Variants in PLPP1 observed in about 807,000 individuals in gnomAD.
PLPP1 encodes phospholipid phosphatase 1, also known as lipid phosphate phosphohydrolase 1a.
A neutral mutation model predicts 31.2 loss-of-function variants in PLPP1; 24 were observed. That is an observed-to-expected ratio of 0.77 (90% CI 0.56 to 1.08). PLPP1 has a LOEUF of 1.08. PLPP1 is among the 50% of genes least tolerant of loss of function. PLPP1 has a pLI of 0.00. For synonymous variants in PLPP1, 146 were observed against 126.3 expected, an observed-to-expected ratio of 1.16 and a Z score of -1.05; for missense variants, 319 against 342.7, an observed-to-expected ratio of 0.93 and a Z score of 0.55.
intron 1 of PLPP1, among the ~76,000 whole-genome samples, chr5:55,503,247 C>T (rs1224045370): frequency 1.3e-5 from 2 of 152,092 alleles, no homozygotes; most frequent in African/African-American, 4.8e-5. Context: ...TAATTCATAC[C>T]AGGTATTACA....
At chr5:55,494,024 G>A (rs750148309) in intron 1 of PLPP1, among the ~76,000 whole-genome samples, 4 of 152,142 alleles carry the variant, frequency 2.6e-5, no homozygotes, top group African/African-American at 4.8e-5. Context: ...CAACATGGGT[G>A]CAGAGCAAGA....
At chr5:55,489,494 C>T (rs1390778414) in intron 1 of PLPP1, among the ~76,000 whole-genome samples, 3 of 152,094 alleles carry the variant, frequency 2.0e-5, no homozygotes, top group African/African-American at 7.2e-5. Context: ...AAACTAAATG[C>T]TAGATTTTTC....
chr5:55,500,450 G>GT (rs1421159308), intron 1 of PLPP1, among the ~76,000 whole-genome samples: 2 of 152,064 alleles, frequency 1.3e-5, no homozygotes, highest in African/African-American at 4.8e-5. Flanking sequence ...CTTCTAAGTA[G>GT]TTATCTTCAG....
At chr5:55,521,213 C>T (rs1043442185) in intron 1 of PLPP1, among the ~76,000 whole-genome samples, 1 of 151,922 alleles carries the variant, frequency 6.6e-6, no homozygotes, top group Non-Finnish European at 1.5e-5. Context: ...ATTAGCCAGG[C>T]GTGGTGGCAC....
At chr5:55,434,425 A>C (rs575871171) in intron 4 of PLPP1, among the ~76,000 whole-genome samples, 1 of 152,260 alleles carries the variant, frequency 6.6e-6, no homozygotes, top group African/African-American at 2.4e-5. Flanking sequence ...AAATAGAAAA[A>C]AAAAATCCTA....
chr5:55,452,916 A>G (rs1751923786), intron 3 of PLPP1, among the ~76,000 whole-genome samples: 1 of 152,232 alleles, frequency 6.6e-6, no homozygotes, highest in African/African-American at 2.4e-5. Flanking sequence ...CCAAAACAAA[A>G]GAAAAATTAC....
chr5:55,521,143 A>C (rs966498111), intron 1 of PLPP1, among the ~76,000 whole-genome samples: 1 of 152,008 alleles, frequency 6.6e-6, no homozygotes, highest in African/African-American at 2.4e-5. Flanking sequence ...ACTTGAGGTC[A>C]GGAGTTCGAG....
At chr5:55,485,131 T>G (rs1047518960) in intron 1 of PLPP1, 1 of 152,188 alleles carries the variant, frequency 6.6e-6, no homozygotes, top group Non-Finnish European at 1.5e-5. Flanking sequence ...TTACTGAACC[T>G]GACAGAGTCA....
intron 1 of PLPP1, among the ~76,000 whole-genome samples, chr5:55,499,996 AT>A (rs1402629111): frequency 4.6e-5 from 7 of 152,022 alleles, no homozygotes; most frequent in Admixed American, 6.6e-5. Context: ...AAACAAAAAA[AT>A]ATAATCAATG....
intron 4 of PLPP1, among the ~76,000 whole-genome samples, chr5:55,430,116 G>A (rs1442109159): frequency 6.6e-6 from 1 of 152,070 alleles, no homozygotes; most frequent in South Asian, 2.1e-4. Flanking sequence ...CTGGGGACTA[G>A]CCACCCAGCC....
chr5:55,521,719 T>C (rs1408919546), intron 1 of PLPP1, among the ~76,000 whole-genome samples: 1 of 152,156 alleles, frequency 6.6e-6, no homozygotes, highest in East Asian at 1.9e-4. Context: ...AATAAGCTAG[T>C]AAAAATCCAT....
intron 1 of PLPP1, among the ~76,000 whole-genome samples, chr5:55,526,911 G>A (rs1021682642): frequency 5.3e-5 from 6 of 113,290 alleles, no homozygotes; most frequent in African/African-American, 1.7e-4. Flanking sequence ...CAGCCTGGGC[G>A]ACAGAGCGAG....
chr5:55,478,541 G>A (rs577220968), intron 1 of PLPP1, among the ~76,000 whole-genome samples: 2 of 152,232 alleles, frequency 1.3e-5, no homozygotes, highest in South Asian at 4.2e-4. Context: ...AGAGATTTGG[G>A]GATAGAAAGG....
chr5:55,506,199 G>A (rs1265192191), intron 1 of PLPP1, among the ~76,000 whole-genome samples: 1 of 149,880 alleles, frequency 6.7e-6, no homozygotes, highest in Non-Finnish European at 1.5e-5. Context: ...TAAACAGGCT[G>A]ATGAAATGGT....
In PLPP1 at chr5:55,534,603, G is replaced by A. The variant is rs1740816958; in HGVS notation, c.27C>T (p.Tyr9=). 3.9e-6 allele frequency: 6 copies of A among 1,558,348 alleles called. No individual in the cohort carries two copies. In the East Asian group the frequency reaches 1.2e-4, roughly 32 times the overall value. MFDKTRLP[Y]VALDVLCVLL... Reference sequence around the variant, plus strand: ...ACACGCAGAGCACATCGAGGGCCACGTACGGCAGCCGCGTCTTGTCAAACA... The same window carrying A: ...ACACGCAGAGCACATCGAGGGCCACATACGGCAGCCGCGTCTTGTCAAACA... Residue 9 remains tyrosine (Y), a synonymous_variant, in exon 1 of 6, where the codon TAC becomes TAT. Transcript: ENST00000307259.
chr5:55,435,296 A>G (rs1385254492), intron 4 of PLPP1, among the ~76,000 whole-genome samples: 1 of 152,226 alleles, frequency 6.6e-6, no homozygotes, highest in Non-Finnish European at 1.5e-5. Context: ...TCGGAATATA[A>G]ATTAGTCCAG....
chr5:55,488,753 T>A (rs1752826638), intron 1 of PLPP1, among the ~76,000 whole-genome samples: 1 of 152,190 alleles, frequency 6.6e-6, no homozygotes, highest in Non-Finnish European at 1.5e-5. Flanking sequence ...GTAGTAGAAC[T>A]AAGGGCTATT....
Position 55,511,650 on chromosome 5 carries a change from G to GT in PLPP1, c.58+22921dup, listed in dbSNP as rs1158182340. On this transcript the variant is annotated intron_variant, in intron 1 of 5. Transcript: ENST00000307259. Reference sequence around the variant, plus strand: ...ACTTTAGCGATTTAACACGTGTTGAGTTTTTTTTTTTTTTTTTTTTTTTTT... The same window carrying GT: ...ACTTTAGCGATTTAACACGTGTTGAGTTTTTTTTTTTTTTTTTTTTTTTTTT... Among the ~76,000 whole-genome samples the GT allele has an allele frequency of 5.5e-3, 285 of 51,492 alleles. 73 individuals carry two copies. The highest frequency in any genetic ancestry group is 0.012 in the East Asian group (21 of 1,758). The allele number at this position is 51,492 out of a possible 152,430, so 33.8% of individuals were successfully genotyped here.
intron 3 of PLPP1, among the ~76,000 whole-genome samples, chr5:55,466,380 AT>A (rs1752295482): frequency 6.6e-6 from 1 of 152,030 alleles, no homozygotes; most frequent in Non-Finnish European, 1.5e-5. Flanking sequence ...GTTAAATAAG[AT>A]TTTTTTCATC....
Sources: allele counts gnomAD v4.1 joint callset (sites outside exome capture counted in the v4.1 genomes callset), GRCh38; gene constraint gnomAD v4.1.1; transcripts MANE v1.5; gene names NCBI Gene and HGNC (gene_info 2026-07-23, HGNC 2026-07-21).